The following VARS1 variants were observed in gnomAD, a reference collection of about 807,000 sequenced individuals.
The protein encoded by VARS1 is valyl-tRNA synthetase 1.
Under a neutral mutation model 161.0 loss-of-function variants are expected in VARS1, and 92 were observed. That is an observed-to-expected ratio of 0.57 (90% CI 0.48 to 0.68). The LOEUF (loss-of-function observed/expected upper bound fraction) is 0.68, where lower values mean the gene tolerates loss of function less well. Ranked by LOEUF, VARS1 falls within the 30% of genes least tolerant of loss-of-function variation. The pLI, the probability that VARS1 is intolerant of heterozygous loss-of-function variation, is 0.00. For synonymous variants in VARS1, 595 were observed against 682.5 expected, an observed-to-expected ratio of 0.87 and a Z score of 2.00; for missense variants, 1,338 against 1,695.9, an observed-to-expected ratio of 0.79 and a Z score of 3.71.
chr6:31,780,921 C>T lies in VARS1; in HGVS notation c.2667G>A (p.Leu889=). ...GISLQGLHNQ[L]LNSNLDPSEV... ...CGCTGGGATCCAGGTTGCTGTTCAG[C>T]AGCTGGTTGTGGAGGCCCTGAGGGT... Residue 889 remains leucine (L), a synonymous_variant, in exon 23 of 30, where the codon CTG becomes CTA. Coordinates refer to ENST00000375663, the MANE Select transcript of VARS1 (RefSeq NM_006295.3). This position sits in a 1 kb window ranked among gnomAD's most constrained non-coding sequence, Gnocchi z 5.1. The T allele has an allele frequency of 6.2e-7, 1 of 1,614,158 alleles. No homozygotes were observed. Among genetic ancestry groups the T allele is most frequent in the Non-Finnish European group, 8.5e-7 (1 of 1,180,030 alleles).
chr6:31,786,645 GAC>G (rs1165282644), intron 8 of VARS1, among the ~76,000 whole-genome samples: 2 of 109,594 alleles, frequency 1.8e-5, no homozygotes, highest in Admixed American at 1.4e-4. Context: ...CAGCCCGGAT[GAC>G]AGAGTGAGAC....
rs1813971122 is a variant in VARS1, at chr6:31,792,780, G to A, written c.638C>T (p.Ala213Val). Residue 213 changes from alanine (A) to valine (V), a missense_variant, in exon 4 of 30, where the codon GCC (alanine) becomes GTC (valine). Transcript: ENST00000375663. ...VLGEVVLYSG[A>V]RPLSHQPGPE... ...ACCTGGCTGATGAGAGAGAGGCCTG[G>A]CTCCTGAGTATAGAACCACTTCTCC... 1.9e-6 allele frequency: 3 copies of A among 1,614,016 alleles called. No individual in the cohort carries two copies. Among genetic ancestry groups the A allele is most frequent in the Non-Finnish European group, 2.5e-6 (3 of 1,180,044 alleles).
rs1199524419 is a variant in VARS1 at position 31,781,547 on chromosome 6, G to A, written c.2478C>T (p.Leu826=). 10 of 1,613,054 alleles carry A rather than the reference G, an allele frequency of 6.2e-6. No individual in the cohort carries two copies. The highest frequency in any genetic ancestry group is 5.0e-5 in the Admixed American group (3 of 60,020). The change falls in exon 21 of 30, where the codon CTC becomes CTT. Residue 826 remains leucine (L), a synonymous_variant. Transcript: ENST00000375663. The surrounding 1 kb of genome is among the most constrained non-coding windows in gnomAD (Gnocchi z 6.8). ...TGACCATCCGGGCCACCCAGAAGAA[G>A]AGGATGTCATGACCGGTCTCCAGCA... ...GTLLETGHDI[L]FFWVARMVML...
chr6:31,792,510 T>G lies in VARS1; in HGVS notation c.668A>C (p.Glu223Ala). 6.2e-7 allele frequency: 1 copy of G among 1,613,490 alleles called. No individual in the cohort carries two copies. The highest frequency in any genetic ancestry group is 8.5e-7 in the Non-Finnish European group (1 of 1,179,866). Residue 223 changes from glutamate (E) to alanine (A), a missense_variant, in exon 5 of 30, where the codon GAG (glutamate) becomes GCG (alanine). This residue lies in a region of VARS1 where 902 missense variants were observed against 1,090.3 expected (regional missense o/e 0.83). Coordinates refer to ENST00000375663, the MANE Select transcript of VARS1 (RefSeq NM_006295.3). ...ARPLSHQPGPEAPALPKTAAQ... is the reference protein window; with the variant it reads ...ARPLSHQPGPAAPALPKTAAQ... The stretch of plus-strand genomic sequence containing the variant: ...AGCTGTCTTTGGGAGGGCAGGAGCC[T>G]CGGGGCCTAGAGAGAGGTGCAGAAA...
Position 31,795,581 on chromosome 6 carries a change from C to A in VARS1, c.-69G>T, listed in dbSNP as rs1011639641. 2 of 189,974 alleles carry A rather than the reference C, an allele frequency of 1.1e-5. No homozygotes were observed. The highest frequency in any genetic ancestry group is 2.1e-5 in the Non-Finnish European group (2 of 93,148). The allele number at this position is 189,974 out of a possible 1,614,324, so 11.8% of individuals were successfully genotyped here. On this transcript the variant is annotated 5_prime_UTR_variant, in exon 1 of 30. The change creates a new upstream start codon in the 5' untranslated region. Transcript: ENST00000375663. The surrounding 1 kb of genome is among the most constrained non-coding windows in gnomAD (Gnocchi z 6.9). ...TGGTCAGACTGGGCCGGGAATCCAC[C>A]TCACAGCCAGGCGCCGGCCGCGGCT...
In VARS1 at chr6:31,779,231, C is replaced by T. The variant is rs751103572; in HGVS notation, c.3462G>A (p.Val1154=). The T allele has an allele frequency of 3.1e-6, 5 of 1,606,354 alleles. No homozygotes were observed. The highest frequency in any genetic ancestry group is 4.2e-6 in the Non-Finnish European group (5 of 1,179,272). ...CCACACCTGCGCTGGCCAGGGCCTG[C>T]ACGTAGCCCGACACCGCCGATGCCA... ...GALASAVSGY[V]QALASAGVVA... Residue 1154 remains valine, a synonymous_variant, in exon 29 of 30, where the codon GTG becomes GTA. Coordinates refer to ENST00000375663, the MANE Select transcript of VARS1 (RefSeq NM_006295.3). The surrounding 1 kb of genome is among the most constrained non-coding windows in gnomAD (Gnocchi z 9.1).
chr6:31,795,089 C>A lies in VARS1; in HGVS notation c.129G>T (p.Gln43His). 1 of 1,498,524 alleles carries A rather than the reference C, an allele frequency of 6.7e-7. No homozygotes were observed. Among genetic ancestry groups the A allele is most frequent in the Admixed American group, 2.4e-5 (1 of 41,520 alleles). 92.8% of individuals were successfully genotyped at this position (1,498,524 alleles called of 1,614,324 possible). A position where few individuals can be genotyped will look rare whatever the true frequency, so the allele number is the denominator to read the frequency against. The change falls in exon 2 of 30, where the codon CAG becomes CAT. Residue 43 changes from glutamine (Q) to histidine (H), a missense_variant. Gln to His is a conservative substitution (Grantham distance 24, BLOSUM62 0). Transcript: ENST00000375663. This position sits in a 1 kb window ranked among gnomAD's most constrained non-coding sequence, Gnocchi z 6.9. ...AGGGAGTCCTGCTAGTCGGGGGTGG[C>A]TGGAGACAGATGCGGGGGTGGGCTC... ...WGGAHPRICL[Q>H]PPPTSRTPFP... is the part of the protein sequence containing the mutation.
chr6:31,792,489 G>A lies in VARS1; in HGVS notation c.689C>T (p.Thr230Ile), dbSNP rs1177088540. ...PGPEAPALPK[T>I]AAQLKKEAKK... The stretch of plus-strand genomic sequence containing the variant: ...TGCCTCTTTCTTGAGCTGAGCAGCT[G>A]TCTTTGGGAGGGCAGGAGCCTCGGG... Residue 230 changes from threonine to isoleucine, a missense_variant, in exon 5 of 30, where the codon ACA becomes ATA. Transcript: ENST00000375663. 1 of 1,613,786 alleles carries A rather than the reference G, an allele frequency of 6.2e-7. No homozygotes were observed. The highest frequency in any genetic ancestry group is 1.3e-5 in the African/African-American group (1 of 74,828).
Position 31,793,015 on chromosome 6 carries a change from C to T in VARS1, c.493G>A (p.Val165Ile), listed in dbSNP as rs1169347135. ...EAPTLADLAA[V>I]TALLLPFRYV... ...CGGAAAGGCAGCAGCAAGGCTGTGACAGCCGCCAGGTCAGCCAGAGTGGGG... is the reference window on the plus strand; with the variant it reads ...CGGAAAGGCAGCAGCAAGGCTGTGATAGCCGCCAGGTCAGCCAGAGTGGGG... The change falls in exon 3 of 30, where the codon GTC becomes ATC. Residue 165 changes from valine (V) to isoleucine (I), a missense_variant. By Grantham distance (29) the Val-to-Ile change is conservative. Around this residue, in one of 3 missense-constraint regions of VARS1, gnomAD observed 902 missense variants for 1,090.3 expected, o/e 0.83. Coordinates refer to ENST00000375663, the MANE Select transcript of VARS1 (RefSeq NM_006295.3). 1 of 1,613,296 alleles carries T rather than the reference C, an allele frequency of 6.2e-7. No homozygotes were observed. The highest frequency in any genetic ancestry group is 1.1e-5 in the South Asian group (1 of 91,092).
At chr6:31,787,981 G>A (rs1454088252) in intron 8 of VARS1, among the ~76,000 whole-genome samples, 2 of 151,848 alleles carry the variant, frequency 1.3e-5, no homozygotes, top group African/African-American at 4.8e-5. Context: ...TTAGCCAGGC[G>A]TGGTGGTGGG....
In VARS1 at chr6:31,791,974, G is replaced by A. The variant is rs780770068; in HGVS notation, c.872-3C>T. ...GTCGGGCATGGGGCCACTGACATCT[G>A]GGGGAGAGGAAGGGAGGGCTCAGTG... On this transcript the variant is annotated splice_polypyrimidine_tract_variant and splice_region_variant and intron_variant, in intron 6 of 29. Transcript: ENST00000375663. The surrounding 1 kb of genome is among the most constrained non-coding windows in gnomAD (Gnocchi z 5.0). 1.9e-6 allele frequency: 3 copies of A among 1,579,726 alleles called. No homozygotes were observed. The highest frequency in any genetic ancestry group is 2.6e-6 in the Non-Finnish European group (3 of 1,162,140).
Position 31,778,024 on chromosome 6 carries a change from G to A in VARS1, c.3727-362C>T. ...TGCCCCCCTCCCAGGGCTCTTGGGA[G>A]AACCAAGTGAGATTAACCACGTCCA... On this transcript the variant is annotated intron_variant, in intron 29 of 29. Transcript: ENST00000375663. The surrounding 1 kb of genome is among the most constrained non-coding windows in gnomAD (Gnocchi z 5.1). 1 of 338,420 alleles carries A rather than the reference G, an allele frequency of 3.0e-6. No homozygotes were observed. The highest frequency in any genetic ancestry group is 5.5e-6 in the Non-Finnish European group (1 of 180,896). The allele number at this position is 338,420 out of a possible 1,614,324, so 21.0% of individuals were successfully genotyped here.
rs907668494 is a variant in VARS1, at chr6:31,795,155, G to C, written c.63C>G (p.Ala21=). The part of the protein sequence containing the change: ...DAFPSLRALI[A]ARYGEAGEGP... ...CCTCCCCAGCCTCCCCATAGCGAGCGGCTATGAGGGCTCGGAGGCTGGGGA... is the reference window on the plus strand; with the variant it reads ...CCTCCCCAGCCTCCCCATAGCGAGCCGCTATGAGGGCTCGGAGGCTGGGGA... Residue 21 remains alanine, a synonymous_variant, in exon 2 of 30, where the codon GCC becomes GCG. Coordinates refer to ENST00000375663, the MANE Select transcript of VARS1 (RefSeq NM_006295.3). The surrounding 1 kb of genome is among the most constrained non-coding windows in gnomAD (Gnocchi z 6.9). 12 of 1,482,792 alleles carry C rather than the reference G, an allele frequency of 8.1e-6. No individual in the cohort carries two copies. Among genetic ancestry groups the C allele is most frequent in the Non-Finnish European group, 1.1e-5 (12 of 1,116,768 alleles). 91.9% of individuals were successfully genotyped at this position (1,482,792 alleles called of 1,614,324 possible).
chr6:31,786,602 GT>G (rs1813522181), intron 8 of VARS1, among the ~76,000 whole-genome samples: 1 of 146,094 alleles, frequency 6.8e-6, no homozygotes, highest in Non-Finnish European at 1.5e-5. Flanking sequence ...GGAGGGGGAG[GT>G]TGCAGTGAGT....
In VARS1 at chr6:31,781,814, A is replaced by C. The variant is rs1165063939; in HGVS notation, c.2347+33T>G. ...GAGGGAGTGGAGCTCTGCCCCCCAC[A>C]ACTCCCTCCAGACCCTCAAAGCCCC... On this transcript the variant is annotated intron_variant, in intron 19 of 29. Transcript: ENST00000375663. The surrounding 1 kb of genome is among the most constrained non-coding windows in gnomAD (Gnocchi z 6.8). 4 of 1,612,740 alleles carry C rather than the reference A, an allele frequency of 2.5e-6. No homozygotes were observed. In the African/African-American group the frequency reaches 5.3e-5, roughly 22 times the overall value.
Position 31,785,198 on chromosome 6 carries a change from T to C in VARS1, c.1347+48A>G, listed in dbSNP as rs1217065571. On this transcript the variant is annotated intron_variant, in intron 10 of 29. Transcript: ENST00000375663. The surrounding 1 kb of genome is among the most constrained non-coding windows in gnomAD (Gnocchi z 6.1). ...GCTTTCTCCTGTGGGGGTCCCACCC[T>C]GGGGAGACTCCTACTCCTGCCCCAG... 6.2e-7 allele frequency: 1 copy of C among 1,610,044 alleles called. No individual in the cohort carries two copies. The highest frequency in any genetic ancestry group is 1.7e-5 in the Admixed American group (1 of 59,988).
rs1365942842 is a variant in VARS1, at chr6:31,795,120, C to G, written c.98G>C (p.Trp33Ser). ...RYGEAGEGPG[W>S]GGAHPRICLQ... is the part of the protein sequence containing the mutation. ...ACAGATGCGGGGGTGGGCTCCTCCC[C>G]ATCCGGGACCCTCCCCAGCCTCCCC... Residue 33 changes from tryptophan (W) to serine (S), a missense_variant, in exon 2 of 30, where the codon TGG (tryptophan) becomes TCG (serine). By Grantham distance (177) the Trp-to-Ser change is radical. Around this residue, in one of 3 missense-constraint regions of VARS1, gnomAD observed 902 missense variants for 1,090.3 expected, o/e 0.83. Transcript: ENST00000375663. This position sits in a 1 kb window ranked among gnomAD's most constrained non-coding sequence, Gnocchi z 6.9. 1 of 1,485,744 alleles carries G rather than the reference C, an allele frequency of 6.7e-7. No individual in the cohort carries two copies. The highest frequency in any genetic ancestry group is 1.4e-5 in the South Asian group (1 of 73,138). The allele number at this position is 1,485,744 out of a possible 1,614,324, so 92.0% of individuals were successfully genotyped here.
Position 31,785,822 on chromosome 6 carries a change from G to T in VARS1, c.1101-89C>A. 1 of 1,482,070 alleles carries T rather than the reference G, an allele frequency of 6.7e-7. No individual in the cohort carries two copies. The highest frequency in any genetic ancestry group is 1.3e-5 in the South Asian group (1 of 75,096). 91.8% of individuals were successfully genotyped at this position (1,482,070 alleles called of 1,614,324 possible). On this transcript the variant is annotated intron_variant, in intron 8 of 29. Coordinates refer to ENST00000375663, the MANE Select transcript of VARS1 (RefSeq NM_006295.3). The surrounding 1 kb of genome is among the most constrained non-coding windows in gnomAD (Gnocchi z 6.1). ...CAGAGGCTTCAGGCAAGGAGTCAGT[G>T]GACTAAATAAAGAAGCAGGGAGGCC...
Position 31,780,642 on chromosome 6 carries a change from A to T in VARS1, c.2797+63T>A. On this transcript the variant is annotated intron_variant, in intron 24 of 29. Coordinates refer to ENST00000375663, the MANE Select transcript of VARS1 (RefSeq NM_006295.3). The surrounding 1 kb of genome is among the most constrained non-coding windows in gnomAD (Gnocchi z 5.1). The stretch of plus-strand genomic sequence containing the variant: ...TGCCCACCAGAGGCTCAGGGTGGAG[A>T]AGAGGGATGGGCCTCACAGAAGGAG... The T allele has an allele frequency of 1.2e-6, 2 of 1,612,696 alleles. No homozygotes were observed. Among genetic ancestry groups the T allele is most frequent in the South Asian group, 2.2e-5 (2 of 91,026 alleles).
Sources: allele counts gnomAD v4.1 joint callset (sites outside exome capture counted in the v4.1 genomes callset), GRCh38; gene constraint gnomAD v4.1.1; regional missense constraint gnomAD v4.1.1; non-coding constraint Gnocchi (gnomAD v3.1); transcripts MANE v1.5; gene names NCBI Gene and HGNC (gene_info 2026-07-23, HGNC 2026-07-21).